Variants in MAST3 observed in about 807,000 individuals in gnomAD.
MAST3 encodes the protein microtubule-associated serine/threonine-protein kinase 3.
A neutral mutation model predicts 127.0 loss-of-function variants in MAST3; 43 were observed. That is an observed-to-expected ratio of 0.34 (90% CI 0.27 to 0.44). The LOEUF is 0.44. MAST3 is among the 20% of genes least tolerant of loss of function. MAST3 has a pLI of 1.00. For missense variants in MAST3, 1,390 were observed against 1,919.1 expected (o/e 0.72, Z 5.15); for synonymous variants, 785 against 809.2 (o/e 0.97, Z 0.51).
At chr19:18,119,096 C>T (rs931395310) in intron 3 of MAST3, among the ~76,000 whole-genome samples, 3 of 152,136 alleles carry the variant, frequency 2.0e-5, no homozygotes, top group African/African-American at 4.8e-5. Context: ...GGCAACTTCT[C>T]GAGGTCCTGG....
rs2043360181 is a variant in MAST3, at chr19:18,149,418, C to A, written c.3736C>A (p.His1246Asn). Residue 1246 changes from histidine to asparagine, a missense_variant, in exon 28 of 28, where the codon CAC (histidine) becomes AAC (asparagine). Transcript: ENST00000687212. This position sits in a 1 kb window ranked among gnomAD's most constrained non-coding sequence, Gnocchi z 5.9. ...PPRSPSPLPG[H>N]PPAPARSPRL... ...CCGCTCGCCCTCGCCCCTGCCCGGG[C>A]ACCCGCCCGCACCTGCCCGATCCCC... 1.4e-6 allele frequency: 2 copies of A among 1,464,836 alleles called. No individual in the cohort carries two copies. Among genetic ancestry groups the A allele is most frequent in the Non-Finnish European group, 1.8e-6 (2 of 1,116,762 alleles). The allele number at this position is 1,464,836 out of a possible 1,614,324, so 90.7% of individuals were successfully genotyped here.
intron 14 of MAST3, 64 bp downstream of exon 14, chr19:18,130,766 A>C: frequency 6.6e-7 from 1 of 1,504,958 alleles, no homozygotes; most frequent in Non-Finnish European, 9.1e-7. Context: ...GCCTGGGAGA[A>C]AATTTTTAGA....
rs1362852852 is a variant in MAST3 at position 18,131,429 on chromosome 19, G to A, written c.1433-480G>A. On this transcript the variant is annotated intron_variant, in intron 14 of 27. Transcript: ENST00000687212. Reference sequence around the variant, plus strand: ...AAAATTTAAAAAATAGGCCAGGCGCGGTGGCCAACGCCTGTAATCTCAGCA... The same window carrying A: ...AAAATTTAAAAAATAGGCCAGGCGCAGTGGCCAACGCCTGTAATCTCAGCA... Among the ~76,000 whole-genome samples the A allele has an allele frequency of 5.0e-5, 7 of 138,966 alleles. 2 individuals carry two copies. The highest frequency in any genetic ancestry group is 9.6e-5 in the Non-Finnish European group (6 of 62,304). The allele number at this position is 138,966 out of a possible 152,430, so 91.2% of individuals were successfully genotyped here.
chr19:18,118,296 G>A (rs1161501030), intron 3 of MAST3: 8 of 973,268 alleles, frequency 8.2e-6, no homozygotes, highest in Non-Finnish European at 9.8e-6. Flanking sequence ...GGCCAGCCGA[G>A]CAAACAGGAG....
chr19:18,130,366 G>C lies in MAST3; in HGVS notation c.1224-128G>C, dbSNP rs555855522. The C allele has an allele frequency of 1.2e-4, 95 of 774,492 alleles. No homozygotes were observed. In the African/African-American group the frequency reaches 1.6e-3, roughly 13 times the overall value. 48.0% of individuals were successfully genotyped at this position (774,492 alleles called of 1,614,324 possible). ...GGGAGGGGGAACAGGTAAGGAGAAT[G>C]GGTGGCCCAGGTGGAGGGCACAGCA... On this transcript the variant is annotated intron_variant, in intron 13 of 27. Transcript: ENST00000687212.
intron 3 of MAST3, among the ~76,000 whole-genome samples, chr19:18,117,825 C>T (rs2039452770): frequency 6.6e-6 from 1 of 151,596 alleles, no homozygotes; most frequent in Admixed American, 6.6e-5. Flanking sequence ...TAGCAACGCC[C>T]GGCCTCAGCC....
rs1039216161 is a variant in MAST3, at chr19:18,129,153, G to A, written c.1223+202G>A. On this transcript the variant is annotated intron_variant, in intron 13 of 27. Coordinates refer to ENST00000687212, the MANE Select transcript of MAST3 (RefSeq NM_001393504.1). ...ACAGCCTCATGTGTGCTCTGTCCAC[G>A]AGCCAGGCCTTTACCTGCCCCAGGT... 10 of 590,486 alleles carry A rather than the reference G, an allele frequency of 1.7e-5. No homozygotes were observed. In the South Asian group the frequency reaches 1.8e-4, roughly 11 times the overall value. 36.6% of individuals were successfully genotyped at this position (590,486 alleles called of 1,614,324 possible). A position where few individuals can be genotyped will look rare whatever the true frequency, so the allele number is the denominator to read the frequency against.
At position 18,143,907 on chromosome 19, in the gene MAST3, C is replaced by T; in HGVS notation, c.2484C>T (p.Gly828=). 1 of 1,613,732 alleles carries T rather than the reference C, an allele frequency of 6.2e-7. No individual in the cohort carries two copies. Among genetic ancestry groups the T allele is most frequent in the Non-Finnish European group, 8.5e-7 (1 of 1,179,850 alleles). The change falls in exon 22 of 28, where the codon GGC becomes GGT. Residue 828 remains glycine, a synonymous_variant. Coordinates refer to ENST00000687212, the MANE Select transcript of MAST3 (RefSeq NM_001393504.1). ...FAFSSEDEGV[G]PGPAGPKRPV... ...TCTCATCAGAGGATGAGGGGGTAGG[C>T]CCAGGCCCTGCAGGCCCCAAGAGGC... is the stretch of plus-strand genomic sequence containing the variant.
chr19:18,122,582 C>A, intron 5 of MAST3, 91 bp from the exon 6 acceptor site: 1 of 1,098,938 alleles, frequency 9.1e-7, no homozygotes, highest in Non-Finnish European at 1.4e-6. Flanking sequence ...TACAACAGGG[C>A]CAGAATATGC....
intron 1 of MAST3, among the ~76,000 whole-genome samples, chr19:18,099,585 G>A (rs1289348859): frequency 2.0e-5 from 3 of 152,124 alleles, no homozygotes; most frequent in African/African-American, 7.2e-5. Context: ...GCCACTGTCC[G>A]GGTTTCACAA....
At chr19:18,109,250 G>A (rs1400045118) in intron 2 of MAST3, among the ~76,000 whole-genome samples, 1 of 152,064 alleles carries the variant, frequency 6.6e-6, no homozygotes, top group African/African-American at 2.4e-5. Flanking sequence ...CTGGGAATGG[G>A]GTCAGAGTGG....
rs1486118331 is a variant in MAST3, at chr19:18,124,386, G to A, written c.945+20G>A. 1 of 1,574,464 alleles carries A rather than the reference G, an allele frequency of 6.4e-7. No homozygotes were observed. Among genetic ancestry groups the A allele is most frequent in the Non-Finnish European group, 8.6e-7 (1 of 1,158,614 alleles). Reference sequence around the variant, plus strand: ...TGTCTGGTAAGTTTCTCTTTCTACGGCCAGCTTGGGGTCCAGGCAGAACTG... The same window carrying A: ...TGTCTGGTAAGTTTCTCTTTCTACGACCAGCTTGGGGTCCAGGCAGAACTG... On this transcript the variant is annotated intron_variant, in intron 10 of 27. Coordinates refer to ENST00000687212, the MANE Select transcript of MAST3 (RefSeq NM_001393504.1).
intron 11 of MAST3, among the ~76,000 whole-genome samples, chr19:18,125,914 C>T (rs1465260738): frequency 1.3e-5 from 2 of 151,594 alleles, no homozygotes; most frequent in East Asian, 1.9e-4. Flanking sequence ...AAATATTAGC[C>T]GGGTGTGGTG....
In MAST3 at chr19:18,149,914, C is replaced by T; in HGVS notation, c.*188C>T. 1 of 678,018 alleles carries T rather than the reference C, an allele frequency of 1.5e-6. No individual in the cohort carries two copies. The highest frequency in any genetic ancestry group is 2.3e-6 in the Non-Finnish European group (1 of 429,950). The allele number at this position is 678,018 out of a possible 1,614,324, so 42.0% of individuals were successfully genotyped here. A position where few individuals can be genotyped will look rare whatever the true frequency, so the allele number is the denominator to read the frequency against. On this transcript the variant is annotated 3_prime_UTR_variant, in exon 28 of 28. Coordinates refer to ENST00000687212, the MANE Select transcript of MAST3 (RefSeq NM_001393504.1). This position sits in a 1 kb window ranked among gnomAD's most constrained non-coding sequence, Gnocchi z 5.9. Reference sequence around the variant, plus strand: ...TGGTGTCAATCGGGGCTGGATGGGGCAAGAATGGGGGACAAGGGTGGCTTT... The same window carrying T: ...TGGTGTCAATCGGGGCTGGATGGGGTAAGAATGGGGGACAAGGGTGGCTTT...
At chr19:18,099,005 G>A (rs527596841) in intron 1 of MAST3, 63 of 325,054 alleles carry the variant, frequency 1.9e-4, no homozygotes, top group African/African-American at 6.9e-4. Flanking sequence ...GCATTGCAGC[G>A]GGGGGCGGTA....
chr19:18,144,980 A>T lies in MAST3; in HGVS notation c.2813-23A>T. On this transcript the variant is annotated intron_variant, in intron 23 of 27. Transcript: ENST00000687212. This position sits in a 1 kb window ranked among gnomAD's most constrained non-coding sequence, Gnocchi z 4.0. Reference sequence around the variant, plus strand: ...GGGGAGACCTGTGAGGGAGTGAGTGACCCCCTCCCTAACCCCCTGCAGATG... The same window carrying T: ...GGGGAGACCTGTGAGGGAGTGAGTGTCCCCCTCCCTAACCCCCTGCAGATG... The T allele has an allele frequency of 6.4e-5, 72 of 1,120,412 alleles. No homozygotes were observed. The highest frequency in any genetic ancestry group is 8.4e-5 in the Non-Finnish European group (63 of 746,716). 69.4% of individuals were successfully genotyped at this position (1,120,412 alleles called of 1,614,324 possible).
intron 21 of MAST3, 33 bp from the exon 22 acceptor site, chr19:18,143,730 G>A (rs1442535354): frequency 1.3e-5 from 21 of 1,611,064 alleles, no homozygotes; most frequent in Non-Finnish European, 1.8e-5. Context: ...GCAGGTGCCT[G>A]GCAGGGGTGA....
chr19:18,140,419 T>C (rs2042343999), intron 20 of MAST3, among the ~76,000 whole-genome samples: 1 of 152,166 alleles, frequency 6.6e-6, no homozygotes, highest in Non-Finnish European at 1.5e-5. Context: ...TTTCGTGGCA[T>C]TCAGCACATT....
At chr19:18,117,802 C>G (rs1312102520) in intron 3 of MAST3, among the ~76,000 whole-genome samples, 1 of 151,982 alleles carries the variant, frequency 6.6e-6, no homozygotes, top group African/African-American at 2.4e-5. Context: ...CCCGCCCCCG[C>G]CGCCCGCGGT....
Sources: allele counts gnomAD v4.1 joint callset (sites outside exome capture counted in the v4.1 genomes callset), GRCh38; gene constraint gnomAD v4.1.1; non-coding constraint Gnocchi (gnomAD v3.1); transcripts MANE v1.5; gene names NCBI Gene and HGNC (gene_info 2026-07-23, HGNC 2026-07-21).